The following CTNND2 variants were observed in gnomAD, a reference collection of about 807,000 sequenced individuals.
CTNND2 encodes catenin delta-2.
CTNND2 carries 22 observed loss-of-function variants against 144.4 expected under a neutral mutation model. The observed-to-expected ratio is 0.15, with a 90% CI of 0.11 to 0.22. CTNND2 has a LOEUF of 0.22. Among genes scored for constraint, CTNND2 ranks in the 10% least tolerant of loss-of-function variants. The pLI, the probability that CTNND2 is intolerant of heterozygous loss-of-function variation, is 1.00. For missense variants in CTNND2, 1,353 were observed against 1,618.8 expected (o/e 0.84, Z 2.82); for synonymous variants, 751 against 695.6 (o/e 1.08, Z -1.25).
At chr5:11,658,185 T>C (rs1258121507) in intron 2 of CTNND2, among the ~76,000 whole-genome samples, 2 of 152,134 alleles carry the variant, frequency 1.3e-5, no homozygotes, top group Non-Finnish European at 1.5e-5. Context: ...ACTTACATTA[T>C]TACATCTTTT....
At chr5:11,336,158 T>G (rs945083834) in intron 9 of CTNND2, among the ~76,000 whole-genome samples, 1 of 152,208 alleles carries the variant, frequency 6.6e-6, no homozygotes, top group Non-Finnish European at 1.5e-5. Context: ...GCTCTCACCC[T>G]GTGGAGTTAT....
At chr5:11,016,905 G>T (rs1162903266) in intron 18 of CTNND2, among the ~76,000 whole-genome samples, 1 of 151,896 alleles carries the variant, frequency 6.6e-6, no homozygotes, top group Non-Finnish European at 1.5e-5. Flanking sequence ...TGAGTAGCTG[G>T]GATTACAGGC....
At chr5:11,633,513 C>T (rs753982457) in intron 2 of CTNND2, among the ~76,000 whole-genome samples, 1 of 152,132 alleles carries the variant, frequency 6.6e-6, no homozygotes, top group Non-Finnish European at 1.5e-5. Flanking sequence ...CACGGTGGCT[C>T]ATGCCGGTAA....
chr5:11,419,916 C>T lies in CTNND2; in HGVS notation c.288-7847G>A, dbSNP rs572246445. Among the ~76,000 whole-genome samples, 4 of 152,286 alleles carry T rather than the reference C, an allele frequency of 2.6e-5. No individual in the cohort carries two copies. In the East Asian group the frequency reaches 7.7e-4, roughly 29 times the overall value. On this transcript the variant is annotated intron_variant, in intron 3 of 21. Transcript: ENST00000304623. ...TGTGGTGTATTATTGCTCACAATAT[C>T]TTTCAAAATGAAATAAAGGTACAGA...
intron 14 of CTNND2, among the ~76,000 whole-genome samples, chr5:11,110,377 C>A (rs1752839520): frequency 6.6e-6 from 1 of 152,174 alleles, no homozygotes; most frequent in Admixed American, 6.5e-5. Flanking sequence ...CTCTGTTACC[C>A]CATTTCCAAT....
chr5:11,112,097 C>T (rs551432114), intron 13 of CTNND2, among the ~76,000 whole-genome samples: 2 of 152,270 alleles, frequency 1.3e-5, no homozygotes, highest in Non-Finnish European at 2.9e-5. Context: ...GATCCACTTG[C>T]TTAGGCCTCC....
intron 2 of CTNND2, among the ~76,000 whole-genome samples, chr5:11,586,442 G>A (rs899762147): frequency 6.6e-6 from 1 of 152,156 alleles, no homozygotes; most frequent in Non-Finnish European, 1.5e-5. Context: ...CATTTCGAAT[G>A]CAAAATATAA....
At chr5:11,260,006 T>G (rs938766689) in intron 9 of CTNND2, among the ~76,000 whole-genome samples, 1 of 152,214 alleles carries the variant, frequency 6.6e-6, no homozygotes, top group Non-Finnish European at 1.5e-5. Context: ...TTTTTCCAAC[T>G]CATTTATGAC....
At chr5:10,997,803 G>A (rs1579990973) in intron 18 of CTNND2, among the ~76,000 whole-genome samples, 1 of 152,080 alleles carries the variant, frequency 6.6e-6, no homozygotes, top group Non-Finnish European at 1.5e-5. Flanking sequence ...GATATTCTGT[G>A]TGGTATTAAA....
chr5:11,428,828 T>C (rs1763018603), intron 3 of CTNND2, among the ~76,000 whole-genome samples: 1 of 152,228 alleles, frequency 6.6e-6, no homozygotes, highest in African/African-American at 2.4e-5. Flanking sequence ...GAGTGAATAT[T>C]TTGATTTGTA....
intron 14 of CTNND2, 127 bp from the exon 15 acceptor site, chr5:11,098,875 C>A: frequency 2.5e-6 from 2 of 787,500 alleles, no homozygotes; most frequent in Non-Finnish European, 4.0e-6. Context: ...ATAGACTGCA[C>A]GGAGGCTATT....
At chr5:11,854,137 GCCACGGGT>G (rs1795146393) in intron 1 of CTNND2, among the ~76,000 whole-genome samples, 1 of 152,162 alleles carries the variant, frequency 6.6e-6, no homozygotes, top group Non-Finnish European at 1.5e-5. Flanking sequence ...TCAGCACACT[GCCACGGGT>G]GGCCCGTTGT....
At chr5:11,632,522 A>T (rs568431485) in intron 2 of CTNND2, among the ~76,000 whole-genome samples, 4 of 152,294 alleles carry the variant, frequency 2.6e-5, no homozygotes, top group African/African-American at 9.6e-5. Flanking sequence ...GAGTAGCTTC[A>T]ATACATTATC....
intron 11 of CTNND2, among the ~76,000 whole-genome samples, chr5:11,170,232 T>A (rs1759761145): frequency 6.6e-6 from 1 of 152,160 alleles, no homozygotes; most frequent in Non-Finnish European, 1.5e-5. Context: ...AGGGAAGAGA[T>A]GTGGCGTGCT....
chr5:11,665,115 T>C (rs964277453), intron 2 of CTNND2, among the ~76,000 whole-genome samples: 2 of 152,148 alleles, frequency 1.3e-5, no homozygotes, highest in Non-Finnish European at 1.5e-5. Flanking sequence ...ATAAATAAAC[T>C]CACGCTTGAG....
At chr5:11,368,743 A>C (rs535221926) in intron 7 of CTNND2, among the ~76,000 whole-genome samples, 3 of 152,314 alleles carry the variant, frequency 2.0e-5, no homozygotes, top group African/African-American at 7.2e-5. Flanking sequence ...TTGAAATAAG[A>C]ATATGTGAAT....
intron 3 of CTNND2, among the ~76,000 whole-genome samples, chr5:11,423,991 A>C (rs1211247674): frequency 6.6e-6 from 1 of 152,192 alleles, no homozygotes; most frequent in African/African-American, 2.4e-5. Flanking sequence ...CATGTACAAC[A>C]ATTTTTTGTG....
intron 12 of CTNND2, among the ~76,000 whole-genome samples, chr5:11,142,072 C>G (rs1318762761): frequency 6.6e-6 from 1 of 152,166 alleles, no homozygotes; most frequent in Non-Finnish European, 1.5e-5. Flanking sequence ...ATATGCCAGC[C>G]CCCTGACCTT....
At chr5:10,980,217 C>A (rs190845595) in intron 21 of CTNND2, among the ~76,000 whole-genome samples, 2,317 of 151,312 alleles carry the variant, frequency 0.015, 33 homozygotes, top group Middle Eastern at 0.031. Context: ...AAAAAAAAAA[C>A]CCATCAAAAA....
Sources: allele counts gnomAD v4.1 joint callset (sites outside exome capture counted in the v4.1 genomes callset), GRCh38; gene constraint gnomAD v4.1.1; transcripts MANE v1.5; gene names NCBI Gene and HGNC (gene_info 2026-07-23, HGNC 2026-07-21).